Variants in RIMS1 observed in about 807,000 individuals in gnomAD.
The protein encoded by RIMS1 is regulating synaptic membrane exocytosis protein 1.
In RIMS1, 83 loss-of-function variants were observed where a neutral mutation model predicts 214.1. The ratio of observed to expected loss-of-function variants is 0.39; its 90% CI spans 0.32 to 0.47. The LOEUF (loss-of-function observed/expected upper bound fraction) is 0.47. RIMS1 is among the 20% of genes least tolerant of loss of function. RIMS1 has a pLI of 0.99. For missense variants in RIMS1, 2,050 were observed against 2,161.8 expected, an observed-to-expected ratio of 0.95 and a Z score of 1.03; for synonymous variants, 793 against 786.8, an observed-to-expected ratio of 1.01 and a Z score of -0.13.
chr6:72,027,420 A>C (rs905109835), intron 2 of RIMS1, among the ~76,000 whole-genome samples: 4 of 152,188 alleles, frequency 2.6e-5, no homozygotes, highest in Non-Finnish European at 4.4e-5. Context: ...TTAAAAATTA[A>C]TATGACACAT....
chr6:71,997,095 T>G (rs1803685676), intron 2 of RIMS1, among the ~76,000 whole-genome samples: 1 of 152,198 alleles, frequency 6.6e-6, no homozygotes, highest in African/African-American at 2.4e-5. Flanking sequence ...ATGACTACTC[T>G]GCACAGAATG....
intron 6 of RIMS1, among the ~76,000 whole-genome samples, chr6:72,192,305 C>A (rs1489281477): frequency 6.6e-6 from 1 of 152,086 alleles, no homozygotes; most frequent in Non-Finnish European, 1.5e-5. Flanking sequence ...ATCATTTTTT[C>A]CTTCCTCCAG....
At chr6:72,007,191 G>A (rs1308293336) in intron 2 of RIMS1, among the ~76,000 whole-genome samples, 1 of 152,302 alleles carries the variant, frequency 6.6e-6, no homozygotes, top group African/African-American at 2.4e-5. Flanking sequence ...TGCAGCCTCC[G>A]CTGCTGATAC....
chr6:72,091,615 C>CT (rs1836254956), intron 2 of RIMS1, among the ~76,000 whole-genome samples: 1 of 152,020 alleles, frequency 6.6e-6, no homozygotes, highest in Admixed American at 6.6e-5. Context: ...ACCCAAACAA[C>CT]TTTTTTACAA....
intron 2 of RIMS1, among the ~76,000 whole-genome samples, chr6:72,033,389 T>C (rs1818697976): frequency 6.6e-6 from 1 of 152,216 alleles, no homozygotes; most frequent in South Asian, 2.1e-4. Flanking sequence ...GCATGTTAAT[T>C]ACCTAATAAA....
chr6:72,353,689 T>C (rs1000785384), intron 29 of RIMS1, among the ~76,000 whole-genome samples: 2 of 152,314 alleles, frequency 1.3e-5, no homozygotes, highest in Non-Finnish European at 2.9e-5. Context: ...ATTTTGCTCT[T>C]TTTCTCTCTC....
At chr6:72,052,042 G>C (rs1824851429) in intron 2 of RIMS1, among the ~76,000 whole-genome samples, 2 of 152,070 alleles carry the variant, frequency 1.3e-5, no homozygotes, top group African/African-American at 4.8e-5. Context: ...CACAATCAAT[G>C]GCAAATCGCA....
intron 2 of RIMS1, among the ~76,000 whole-genome samples, chr6:72,043,851 A>G (rs1333194098): frequency 6.6e-6 from 1 of 151,724 alleles, no homozygotes; most frequent in Non-Finnish European, 1.5e-5. Context: ...ATATACATTA[A>G]TGAAGAAAAA....
intron 4 of RIMS1, among the ~76,000 whole-genome samples, chr6:72,150,204 A>G (rs903509767): frequency 6.6e-6 from 1 of 151,794 alleles, no homozygotes; most frequent in East Asian, 1.9e-4. Context: ...GCAAAAAAAA[A>G]AGGCTAAAAA....
chr6:71,919,400 C>T (rs912993289), intron 1 of RIMS1, among the ~76,000 whole-genome samples: 15 of 150,962 alleles, frequency 9.9e-5, no homozygotes, highest in African/African-American at 3.4e-4. Context: ...ACAGAGGACA[C>T]GGGAAGGAAA....
chr6:72,161,423 C>A (rs2045388154), intron 4 of RIMS1, among the ~76,000 whole-genome samples: 1 of 140,178 alleles, frequency 7.1e-6, no homozygotes, highest in African/African-American at 2.5e-5. Flanking sequence ...TTCTTGCCTT[C>A]TGTTAGCTTT....
chr6:72,183,002 C>A lies in RIMS1; in HGVS notation c.1531C>A (p.Pro511Thr), dbSNP rs769080026. The change falls in exon 6 of 34, where the codon CCG becomes ACG. Residue 511 changes from proline (P) to threonine (T), a missense_variant. This residue lies in a region of RIMS1 where 882 missense variants were observed against 828.9 expected (regional missense o/e 1.06). Coordinates refer to ENST00000521978, the MANE Select transcript of RIMS1 (RefSeq NM_014989.7). Reference protein sequence around the residue: ...LSSDQSESVRPSPPKPHRSKR... With the variant: ...LSSDQSESVRTSPPKPHRSKR... ...CTCAGACCAGTCCGAGTCGGTGCGG[C>A]CGTCCCCGCCCAAGCCGCACCGGTC... is the stretch of plus-strand genomic sequence containing the variant. 1.0e-5 allele frequency: 16 copies of A among 1,592,680 alleles called. No homozygotes were observed. Among genetic ancestry groups the A allele is most frequent in the Admixed American group, 1.8e-5 (1 of 56,554 alleles).
At chr6:72,325,592 A>G (rs2096419774) in intron 28 of RIMS1, among the ~76,000 whole-genome samples, 1 of 151,766 alleles carries the variant, frequency 6.6e-6, no homozygotes, top group Non-Finnish European at 1.5e-5. Flanking sequence ...AATGCCATCA[A>G]TGTAATATAG....
At chr6:72,350,701 A>G (rs899838722) in intron 29 of RIMS1, among the ~76,000 whole-genome samples, 1 of 152,188 alleles carries the variant, frequency 6.6e-6, no homozygotes, top group Non-Finnish European at 1.5e-5. Flanking sequence ...TTTATGGTAC[A>G]TAAGAAGTAA....
chr6:71,939,066 A>C (rs1293602552), intron 1 of RIMS1, among the ~76,000 whole-genome samples: 1 of 152,244 alleles, frequency 6.6e-6, no homozygotes, highest in Non-Finnish European at 1.5e-5. Context: ...TCTATCAGAT[A>C]TCCTAATTTA....
intron 29 of RIMS1, among the ~76,000 whole-genome samples, chr6:72,376,764 G>C (rs1166646316): frequency 2.0e-5 from 3 of 150,046 alleles, no homozygotes; most frequent in Non-Finnish European, 4.4e-5. Flanking sequence ...AAAAAAAAGA[G>C]AATCAGATTT....
At chr6:71,935,244 G>T (rs935357661) in intron 1 of RIMS1, among the ~76,000 whole-genome samples, 1 of 152,124 alleles carries the variant, frequency 6.6e-6, no homozygotes, top group African/African-American at 2.4e-5. Flanking sequence ...CAGAGATGAA[G>T]AGTCAATATT....
intron 2 of RIMS1, among the ~76,000 whole-genome samples, chr6:72,069,002 AAAT>A (rs1227695895): frequency 7.0e-6 from 1 of 142,368 alleles, no homozygotes; most frequent in Non-Finnish European, 1.6e-5. Flanking sequence ...AAACCTCCAG[AAAT>A]AACAAACTGA....
At chr6:72,211,559 T>A (rs1334422904) in intron 6 of RIMS1, among the ~76,000 whole-genome samples, 1 of 152,154 alleles carries the variant, frequency 6.6e-6, no homozygotes, top group Admixed American at 6.5e-5. Context: ...AATATATACA[T>A]TTTTCATATA....
Sources: allele counts gnomAD v4.1 joint callset (sites outside exome capture counted in the v4.1 genomes callset), GRCh38; gene constraint gnomAD v4.1.1; regional missense constraint gnomAD v4.1.1; transcripts MANE v1.5; gene names NCBI Gene and HGNC (gene_info 2026-07-23, HGNC 2026-07-21).